The following SRPK2 variants were observed in gnomAD, a reference collection of about 807,000 sequenced individuals.
SRPK2 encodes the protein SFRS protein kinase 2.
A neutral mutation model predicts 90.8 loss-of-function variants in SRPK2; 21 were observed. The observed-to-expected ratio is 0.23, with a 90% CI of 0.16 to 0.33. SRPK2 has a LOEUF of 0.33. SRPK2 is among the 10% of genes least tolerant of loss of function. The pLI, the probability that SRPK2 is intolerant of heterozygous loss-of-function variation, is 1.00. For missense variants in SRPK2, 620 were observed against 869.0 expected (o/e 0.71, Z 3.60); for synonymous variants, 288 against 311.1 (o/e 0.93, Z 0.78).
intron 2 of SRPK2, among the ~76,000 whole-genome samples, chr7:105,214,666 G>A (rs969892899): frequency 1.3e-5 from 2 of 152,214 alleles, no homozygotes; most frequent in South Asian, 2.1e-4. Context: ...AGTTTAAAAC[G>A]TACTATGAAA....
chr7:105,167,574 C>A (rs1331772838), intron 5 of SRPK2, 110 bp from the exon 6 acceptor site: 4 of 567,530 alleles, frequency 7.0e-6, no homozygotes, highest in Middle Eastern at 3.3e-4. Flanking sequence ...ATAAAAAATT[C>A]ATCACAAAGT....
At chr7:105,267,274 T>C (rs1433709649) in intron 2 of SRPK2, among the ~76,000 whole-genome samples, 1 of 152,148 alleles carries the variant, frequency 6.6e-6, no homozygotes, top group African/African-American at 2.4e-5. Context: ...ATCCACTCTG[T>C]CCAACCCTCA....
chr7:105,233,614 T>C (rs1487911363), intron 2 of SRPK2, among the ~76,000 whole-genome samples: 4 of 152,150 alleles, frequency 2.6e-5, no homozygotes, highest in Non-Finnish European at 4.4e-5. Context: ...AGCACTTTGG[T>C]AGGCCAAAGC....
At chr7:105,282,593 A>C (rs1376357499) in intron 2 of SRPK2, among the ~76,000 whole-genome samples, 2 of 152,210 alleles carry the variant, frequency 1.3e-5, no homozygotes, top group Admixed American at 1.3e-4. Context: ...ACTTGAGGCA[A>C]GCCTGCCCAA....
chr7:105,142,129 T>C lies in SRPK2; in HGVS notation c.1422A>G (p.Glu474=). 1.2e-6 allele frequency: 2 copies of C among 1,614,092 alleles called. No homozygotes were observed. Among genetic ancestry groups the C allele is most frequent in the Non-Finnish European group, 1.7e-6 (2 of 1,180,006 alleles). Residue 474 remains glutamate, a synonymous_variant, in exon 11 of 16, where the codon GAA becomes GAG. Transcript: ENST00000393651. The stretch of plus-strand genomic sequence containing the variant: ...AAAGCACAGAGCCGCAGGCCACAGG[T>C]TCTAAGGATCCAGAGAACAACGAGG... ...FSTSLFSGSL[E]PVACGSVLSE... is the part of the protein sequence containing the mutation.
At chr7:105,320,014 A>C (rs977577287) in intron 2 of SRPK2, among the ~76,000 whole-genome samples, 32 of 152,246 alleles carry the variant, frequency 2.1e-4, no homozygotes, top group African/African-American at 7.0e-4. Flanking sequence ...TTTTCTGTTA[A>C]CATTCCAAAT....
intron 13 of SRPK2, among the ~76,000 whole-genome samples, chr7:105,130,529 AAC>A (rs1801850362): frequency 6.6e-6 from 1 of 152,092 alleles, no homozygotes; most frequent in South Asian, 2.1e-4. Context: ...CAGCTTGGGG[AAC>A]AGAGCAAGAC....
At chr7:105,227,893 CAAAA>C (rs566478716) in intron 2 of SRPK2, among the ~76,000 whole-genome samples, 2,732 of 84,724 alleles carry the variant, frequency 0.032, 76 homozygotes, top group African/African-American at 0.1. Context: ...TATCATTCAG[CAAAA>C]AAAAAAAAAA....
chr7:105,367,955 T>C (rs1158189994), intron 2 of SRPK2, among the ~76,000 whole-genome samples: 4 of 152,218 alleles, frequency 2.6e-5, no homozygotes, highest in Non-Finnish European at 5.9e-5. Flanking sequence ...CACATGTTGT[T>C]GATAGCCAAA....
intron 2 of SRPK2, among the ~76,000 whole-genome samples, chr7:105,318,710 C>G (rs1239513304): frequency 6.6e-6 from 1 of 152,194 alleles, no homozygotes; most frequent in East Asian, 1.9e-4. Context: ...TTGAAACACG[C>G]TTCTCACCAT....
At chr7:105,216,404 T>G (rs1797471356) in intron 2 of SRPK2, among the ~76,000 whole-genome samples, 1 of 151,994 alleles carries the variant, frequency 6.6e-6, no homozygotes, top group Non-Finnish European at 1.5e-5. Flanking sequence ...AGGAGGTAAT[T>G]TTTTCAAGAT....
intron 2 of SRPK2, among the ~76,000 whole-genome samples, chr7:105,342,589 G>C (rs1815956052): frequency 6.6e-6 from 1 of 152,014 alleles, no homozygotes; most frequent in Non-Finnish European, 1.5e-5. Flanking sequence ...CTAGCTCCCT[G>C]GTCTCACCTC....
chr7:105,217,746 A>T (rs544157660), intron 2 of SRPK2, among the ~76,000 whole-genome samples: 56 of 152,364 alleles, frequency 3.7e-4, no homozygotes, highest in African/African-American at 1.3e-3. Context: ...AAAATGAGAA[A>T]AAAATGAGTC....
intron 2 of SRPK2, among the ~76,000 whole-genome samples, chr7:105,381,112 C>T (rs1053143225): frequency 2.0e-5 from 3 of 151,902 alleles, no homozygotes; most frequent in African/African-American, 7.3e-5. Flanking sequence ...GGCATGGTGG[C>T]GCATGCCTGT....
intron 2 of SRPK2, chr7:105,244,810 C>G (rs1406805213): frequency 1.0e-6 from 1 of 972,956 alleles, no homozygotes; most frequent in African/African-American, 1.6e-5. Context: ...TCGCCCCGTA[C>G]AAGCAGCACG....
At chr7:105,120,740 T>A (rs183430288) in intron 15 of SRPK2, among the ~76,000 whole-genome samples, 17 of 152,242 alleles carry the variant, frequency 1.1e-4, no homozygotes, top group Admixed American at 2.0e-4. Flanking sequence ...GATGCTATAA[T>A]GATTATGTGT....
At chr7:105,205,145 G>C (rs1433044311) in intron 2 of SRPK2, among the ~76,000 whole-genome samples, 1 of 152,062 alleles carries the variant, frequency 6.6e-6, no homozygotes, top group Non-Finnish European at 1.5e-5. Flanking sequence ...CAATCTGAGA[G>C]CCTCCAACAC....
intron 11 of SRPK2, among the ~76,000 whole-genome samples, chr7:105,137,222 T>G (rs1378274835): frequency 1.3e-5 from 2 of 152,106 alleles, no homozygotes; most frequent in Non-Finnish European, 2.9e-5. Flanking sequence ...GTGAACGGTG[T>G]AGAATGAATT....
At chr7:105,334,533 G>T (rs1814830788) in intron 2 of SRPK2, among the ~76,000 whole-genome samples, 1 of 151,638 alleles carries the variant, frequency 6.6e-6, no homozygotes, top group Non-Finnish European at 1.5e-5. Context: ...GATGTTTCTG[G>T]TATTAAAATA....
Sources: allele counts gnomAD v4.1 joint callset (sites outside exome capture counted in the v4.1 genomes callset), GRCh38; gene constraint gnomAD v4.1.1; transcripts MANE v1.5; gene names NCBI Gene and HGNC (gene_info 2026-07-23, HGNC 2026-07-21).